DOK3: variants seen among roughly 807,000 people sequenced by gnomAD.
The protein encoded by DOK3 is Dok-like protein.
Under a neutral mutation model 26.2 loss-of-function variants are expected in DOK3, and 23 were observed. The ratio of observed to expected loss-of-function variants is 0.88; its 90% CI spans 0.63 to 1.24. DOK3 has a LOEUF of 1.24. DOK3 is among the 50% of genes most tolerant of loss of function. The pLI is 0.00. For missense variants in DOK3, 619 were observed against 610.6 expected, an observed-to-expected ratio of 1.01 and a Z score of -0.15; for synonymous variants, 268 against 268.2, an observed-to-expected ratio of 1.00 and a Z score of 0.01.
In DOK3 at chr5:177,505,222, C is replaced by G. The variant is rs749809592; in HGVS notation, c.373-112G>C. The G allele has an allele frequency of 5.1e-6, 5 of 984,948 alleles. No homozygotes were observed. In the East Asian group the frequency reaches 1.3e-4, roughly 26 times the overall value. The allele number at this position is 984,948 out of a possible 1,614,324, so 61.0% of individuals were successfully genotyped here. A position where few individuals can be genotyped will look rare whatever the true frequency, so the allele number is the denominator to read the frequency against. ...AGGGGGCATCCAGGGGCCTGGGCTC[C>G]AGTTCCAGCTTTGCCCGGCTCGCTG... On this transcript the variant is annotated intron_variant, in intron 3 of 5. Transcript: ENST00000510898.
upstream of DOK3, chr5:177,510,208 G>T: frequency 2.5e-6 from 1 of 400,224 alleles, no homozygotes; most frequent in Non-Finnish European, 4.6e-6. Flanking sequence ...TCAGGGACCT[G>T]TGTGTTCTGG....
At chr5:177,506,898 C>T (rs1237391842) in intron 3 of DOK3, among the ~76,000 whole-genome samples, 1 of 151,724 alleles carries the variant, frequency 6.6e-6, no homozygotes. Context: ...CATGTTGAGG[C>T]TGGTCTCGAA....
At position 177,503,850 on chromosome 5, in the gene DOK3, G is replaced by A; in HGVS notation, c.*133C>T. 2.1e-6 allele frequency: 3 copies of A among 1,434,180 alleles called. No homozygotes were observed. The highest frequency in any genetic ancestry group is 1.8e-6 in the Non-Finnish European group (2 of 1,098,678). 88.8% of individuals were successfully genotyped at this position (1,434,180 alleles called of 1,614,324 possible). A position where few individuals can be genotyped will look rare whatever the true frequency, so the allele number is the denominator to read the frequency against. ...AGGGCAGGGCTGAGGTCCTCCACAG[G>A]CGGCCTGCCTTGTTCCTGCAGGCCA... On this transcript the variant is annotated 3_prime_UTR_variant, in exon 6 of 6. Coordinates refer to ENST00000510898, the MANE Select transcript of DOK3 (RefSeq NM_001308236.3).
intron 3 of DOK3, among the ~76,000 whole-genome samples, chr5:177,505,776 G>T (rs570233490): frequency 5.9e-5 from 9 of 151,948 alleles, no homozygotes; most frequent in African/African-American, 1.2e-4. Flanking sequence ...CACTCTTGTC[G>T]CCCAGGCTGG....
chr5:177,504,579 G>C lies in DOK3; in HGVS notation c.727C>G (p.Leu243Val), dbSNP rs1422667154. 1 of 1,605,688 alleles carries C rather than the reference G, an allele frequency of 6.2e-7. No homozygotes were observed. The highest frequency in any genetic ancestry group is 8.5e-7 in the Non-Finnish European group (1 of 1,177,456). The change falls in exon 6 of 6, where the codon CTG (leucine) becomes GTG (valine). Residue 243 changes from leucine to valine, a missense_variant. Transcript: ENST00000510898. ...ATGGCCCCGGCCACAGCCCTGCACAGGTCAGGGGCACAGGGGGTGCTGAAG... is the reference window on the plus strand; with the variant it reads ...ATGGCCCCGGCCACAGCCCTGCACACGTCAGGGGCACAGGGGGTGCTGAAG... ...FAFSTPCAPD[L>V]CRAVAGAIAR...
upstream of DOK3, chr5:177,510,713 C>G (rs545052244): frequency 2.0e-5 from 3 of 152,424 alleles, no homozygotes; most frequent in East Asian, 3.9e-4. Flanking sequence ...CTCCGTCCAC[C>G]TCAGACGCCA....
chr5:177,503,663 G>A lies in DOK3; in HGVS notation c.*320C>T, dbSNP rs1759606076. 7.3e-7 allele frequency: 1 copy of A among 1,367,668 alleles called. No individual in the cohort carries two copies. The highest frequency in any genetic ancestry group is 1.5e-5 in the African/African-American group (1 of 68,350). The allele number at this position is 1,367,668 out of a possible 1,614,324, so 84.7% of individuals were successfully genotyped here. ...CTGCTGCAGTGGGTTTGAGCCCACG[G>A]GTGGCAGGTAAGGCCCAGGTCACCT... On this transcript the variant is annotated 3_prime_UTR_variant, in exon 6 of 6. Coordinates refer to ENST00000510898, the MANE Select transcript of DOK3 (RefSeq NM_001308236.3).
chr5:177,503,091 G>A lies in DOK3; in HGVS notation c.*892C>T. The A allele has an allele frequency of 1.3e-6, 2 of 1,549,624 alleles. No individual in the cohort carries two copies. The highest frequency in any genetic ancestry group is 1.7e-6 in the Non-Finnish European group (2 of 1,145,384). On this transcript the variant is annotated 3_prime_UTR_variant, in exon 6 of 6. Coordinates refer to ENST00000510898, the MANE Select transcript of DOK3 (RefSeq NM_001308236.3). ...TGCAGCTGAGGTGGAGTTGCGGTGA[G>A]GGGCTGGGCAGTCAGAGCCCTGGAG...
chr5:177,509,444 T>A lies in DOK3; in HGVS notation c.66+31A>T. ...GCATTCTCCACCCACTGTTGGTCCT[T>A]GGCAGCTGCCTGGCAGCCAGGGGTC... On this transcript the variant is annotated intron_variant, in intron 2 of 5. Transcript: ENST00000510898. The A allele has an allele frequency of 3.1e-6, 5 of 1,589,354 alleles. No individual in the cohort carries two copies. The Middle Eastern group carries it at 5.1e-4, about 161-fold the overall frequency.
chr5:177,503,423 A>G lies in DOK3; in HGVS notation c.*560T>C, dbSNP rs909979422. The stretch of plus-strand genomic sequence containing the variant: ...AATTGTTGGAGTTTCAGCAGGGAAC[A>G]AGTGTTTTGGACGAGGGTGTCTCTG... On this transcript the variant is annotated 3_prime_UTR_variant, in exon 6 of 6. Transcript: ENST00000510898. 4.0e-5 allele frequency: 60 copies of G among 1,518,712 alleles called. No individual in the cohort carries two copies. Among genetic ancestry groups the G allele is most frequent in the Non-Finnish European group, 5.1e-5 (57 of 1,124,998 alleles). The allele number at this position is 1,518,712 out of a possible 1,614,324, so 94.1% of individuals were successfully genotyped here. A position where few individuals can be genotyped will look rare whatever the true frequency, so the allele number is the denominator to read the frequency against.
At position 177,508,530 on chromosome 5, in the gene DOK3, T is replaced by C. The variant is rs1466773350; in HGVS notation, c.79A>G (p.Lys27Glu). Residue 27 changes from lysine to glutamate, a missense_variant, in exon 3 of 6, where the codon AAG (lysine) becomes GAG (glutamate). By Grantham distance (56) the Lys-to-Glu change is moderately conservative. Transcript: ENST00000510898. Reference sequence around the variant, plus strand: ...CCTGCATACAGCAGAGCCCACACCTTCCGCCAGCACTTCTGCGGGAGGGGA... The same window carrying C: ...CCTGCATACAGCAGAGCCCACACCTCCCGCCAGCACTTCTGCGGGAGGGGA... ...HVKFGKKCWRKVWALLYAGGP... is the reference protein window; with the variant it reads ...HVKFGKKCWREVWALLYAGGP... The C allele has an allele frequency of 6.5e-7, 1 of 1,547,024 alleles. No homozygotes were observed. The highest frequency in any genetic ancestry group is 8.8e-7 in the Non-Finnish European group (1 of 1,137,726).
intron 3 of DOK3, among the ~76,000 whole-genome samples, chr5:177,505,524 G>A (rs1208213279): frequency 6.6e-6 from 1 of 152,030 alleles, no homozygotes; most frequent in Non-Finnish European, 1.5e-5. Context: ...CCACACCCAG[G>A]CCTTCAGCAT....
chr5:177,507,342 T>C (rs1392503939), intron 3 of DOK3, among the ~76,000 whole-genome samples: 4 of 152,142 alleles, frequency 2.6e-5, no homozygotes, highest in African/African-American at 7.2e-5. Context: ...GGCTGAGTAG[T>C]ATTCCATCTT....
At position 177,504,149 on chromosome 5, in the gene DOK3, C is replaced by A. The variant is rs770110961; in HGVS notation, c.1157G>T (p.Gly386Val). 5 of 1,613,928 alleles carry A rather than the reference C, an allele frequency of 3.1e-6. No individual in the cohort carries two copies. The South Asian group carries it at 4.4e-5, about 14-fold the overall frequency. The change falls in exon 6 of 6, where the codon GGC (glycine) becomes GTC (valine). Residue 386 changes from glycine to valine, a missense_variant. Physicochemically the swap from Gly to Val is moderately radical, Grantham distance 109 (BLOSUM62 -3). Transcript: ENST00000510898. ...CTCCAGGGTACTGTCGTTGGCCGGG[C>A]CGGGCCAGCTCAAGTCCTGGCCGTT... Reference protein sequence around the residue: ...YHNGQDLSWPGPANDSTLEAQ... With the variant: ...YHNGQDLSWPVPANDSTLEAQ...
chr5:177,508,214 GC>G (rs55761704), intron 3 of DOK3, 22 bp downstream of exon 3: 1,441,989 of 1,449,512 alleles, frequency 0.99, 717,586 homozygotes, highest in East Asian at 1. Context: ...CAGCCCAATC[GC>G]CCCCCTGCTC....
Position 177,504,542 on chromosome 5 carries a change from C to T in DOK3, c.764G>A (p.Arg255Gln), listed in dbSNP as rs536994169. 184 of 1,590,894 alleles carry T rather than the reference C, an allele frequency of 1.2e-4. No homozygotes were observed. Among genetic ancestry groups the T allele is most frequent in the African/African-American group, 2.0e-4 (15 of 74,738 alleles). ...RAVAGAIARQ[R>Q]ERLPELTRPQ... ...CCTGGTCAGCTCTGGCAGCCGCTCC[C>T]GCTGGCGGGCGATGGCCCCGGCCAC... Residue 255 changes from arginine to glutamine, a missense_variant, in exon 6 of 6, where the codon CGG (arginine) becomes CAG (glutamine). Transcript: ENST00000510898.
Position 177,504,605 on chromosome 5 carries a change from G to T in DOK3, c.701C>A (p.Ala234Asp), listed in dbSNP as rs73349185. 2,949 of 1,610,734 alleles carry T rather than the reference G, an allele frequency of 1.8e-3. 13 individuals carry two copies. The highest frequency in any genetic ancestry group is 9.3e-3 in the African/African-American group (697 of 75,030). Residue 234 changes from alanine (A) to aspartate (D), a missense_variant, in exon 6 of 6, where the codon GCC becomes GAC. Coordinates refer to ENST00000510898, the MANE Select transcript of DOK3 (RefSeq NM_001308236.3). ...RRCHSGEGLF[A>D]FSTPCAPDLC... is the part of the protein sequence containing the mutation. The stretch of plus-strand genomic sequence containing the variant: ...GTCAGGGGCACAGGGGGTGCTGAAG[G>T]CAAAGAGGCCCTCACCCGAGTGGCA...
Position 177,504,114 on chromosome 5 carries a change from G to T in DOK3, c.1192C>A (p.Arg398=), listed in dbSNP as rs376113622. 1.2e-5 allele frequency: 20 copies of T among 1,613,614 alleles called. No individual in the cohort carries two copies. Among genetic ancestry groups the T allele is most frequent in the Non-Finnish European group, 1.5e-5 (18 of 1,179,814 alleles). ...ACCTGATCCAGCTCCAGCAGCCGCC[G>T]GTACTGGGCCTCCAGGGTACTGTCG... The part of the protein sequence containing the change: ...ANDSTLEAQY[R]RLLELDQVEG... The change falls in exon 6 of 6, where the codon CGG becomes AGG. Residue 398 remains arginine, a synonymous_variant. Transcript: ENST00000510898.
In DOK3 at chr5:177,502,945, T is replaced by A; in HGVS notation, c.*1038A>T. The A allele has an allele frequency of 9.0e-7, 1 of 1,115,942 alleles. No homozygotes were observed. Among genetic ancestry groups the A allele is most frequent in the Non-Finnish European group, 1.3e-6 (1 of 792,710 alleles). The allele number at this position is 1,115,942 out of a possible 1,614,324, so 69.1% of individuals were successfully genotyped here. On this transcript the variant is annotated 3_prime_UTR_variant, in exon 6 of 6. Transcript: ENST00000510898. ...CGACATGCCTAGGCAGGGGCGGTAC[T>A]GGCCGCACTAAAGGAAGTGAGCTGG... is the stretch of plus-strand genomic sequence containing the variant.
Sources: allele counts gnomAD v4.1 joint callset (sites outside exome capture counted in the v4.1 genomes callset), GRCh38; gene constraint gnomAD v4.1.1; transcripts MANE v1.5; gene names NCBI Gene and HGNC (gene_info 2026-07-23, HGNC 2026-07-21).